The following AGBL1 variants were observed in gnomAD, a reference collection of about 807,000 sequenced individuals.
AGBL1 encodes the protein AGBL carboxypeptidase 1, also known as cytosolic carboxypeptidase 4.
AGBL1 carries 130 observed loss-of-function variants against 118.9 expected under a neutral mutation model. That is an observed-to-expected ratio of 1.09 (90% CI 0.95 to 1.26). The LOEUF is 1.26. AGBL1 is among the 50% of genes most tolerant of loss of function. The probability of loss-of-function intolerance (pLI) is 0.00; values close to 1 mark genes in which losing one functional copy is unlikely to be tolerated. For missense variants in AGBL1, 1,584 were observed against 1,298.1 expected (o/e 1.22, Z -3.38); for synonymous variants, 555 against 478.9 (o/e 1.16, Z -2.08).
chr15:86,858,120 G>T (rs2079508907), intron 22 of AGBL1, among the ~76,000 whole-genome samples: 1 of 152,104 alleles, frequency 6.6e-6, no homozygotes, highest in African/African-American at 2.4e-5. Flanking sequence ...AGGCCATGCT[G>T]GGGATACAAT....
rs546174799 is a variant in AGBL1 at position 86,772,418 on chromosome 15, T to C, written c.3158+97982T>C. Among the ~76,000 whole-genome samples the C allele has an allele frequency of 2.6e-5, 4 of 152,218 alleles. No homozygotes were observed. The East Asian group carries it at 7.7e-4, about 29-fold the overall frequency. On this transcript the variant is annotated intron_variant, in intron 22 of 22. Coordinates refer to ENST00000614907, the MANE Select transcript of AGBL1 (RefSeq NM_001386094.1). ...TCAAGATCATCAGTTTACATTTTAT[T>C]TGTGGTGTCTTTGTCACATTCATAT...
At chr15:86,270,558 C>A (rs1398277787) in intron 14 of AGBL1, among the ~76,000 whole-genome samples, 1 of 152,138 alleles carries the variant, frequency 6.6e-6, no homozygotes, top group Non-Finnish European at 1.5e-5. Flanking sequence ...GTATTTATTT[C>A]AAATGTTTTG....
chr15:86,534,103 A>T (rs2083388237), intron 19 of AGBL1, among the ~76,000 whole-genome samples: 2 of 121,120 alleles, frequency 1.7e-5, no homozygotes, highest in Admixed American at 1.6e-4. Context: ...CCTAAAACTT[A>T]AAGTATAATA....
intron 21 of AGBL1, among the ~76,000 whole-genome samples, chr15:86,587,989 T>C (rs12439737): frequency 0.33 from 50,841 of 152,128 alleles, 9,511 homozygotes; most frequent in Middle Eastern, 0.43. Flanking sequence ...GCTTTGTATA[T>C]GTATGCATGT....
At chr15:86,248,856 G>C (rs548629691) in intron 7 of AGBL1, among the ~76,000 whole-genome samples, 1 of 152,168 alleles carries the variant, frequency 6.6e-6, no homozygotes, top group Non-Finnish European at 1.5e-5. Context: ...AGAGGGAGCA[G>C]GTGTTCTTTT....
intron 21 of AGBL1, among the ~76,000 whole-genome samples, chr15:86,575,746 C>T (rs1049286106): frequency 5.9e-5 from 9 of 151,906 alleles, no homozygotes; most frequent in Non-Finnish European, 1.0e-4. Flanking sequence ...CACACCACCA[C>T]ATCTGGCTTA....
chr15:86,270,364 C>T (rs1297112097), intron 14 of AGBL1, among the ~76,000 whole-genome samples: 1 of 152,174 alleles, frequency 6.6e-6, no homozygotes, highest in East Asian at 1.9e-4. Context: ...TCTCCATCTC[C>T]TAAGTCCCAT....
intron 17 of AGBL1, among the ~76,000 whole-genome samples, chr15:86,324,573 G>C (rs1315453460): frequency 6.6e-6 from 1 of 152,134 alleles, no homozygotes; most frequent in Non-Finnish European, 1.5e-5. Context: ...AGGTACCAGG[G>C]ACTAAAATAT....
intron 22 of AGBL1, among the ~76,000 whole-genome samples, chr15:86,827,937 G>GTTTTTTTTTTTTTTTTTTTT (rs71460225): frequency 1.2e-3 from 9 of 7,792 alleles, no homozygotes; most frequent in Non-Finnish European, 2.0e-3. Flanking sequence ...TTGATGTAGG[G>GTTTTTTTTTTTTTTTTTTTT]CTTTTTTTTT....
At chr15:86,410,134 T>C (rs1187967205) in intron 18 of AGBL1, among the ~76,000 whole-genome samples, 1 of 152,056 alleles carries the variant, frequency 6.6e-6, no homozygotes, top group Non-Finnish European at 1.5e-5. Context: ...CTTCCTAAAA[T>C]ACATGAAAGC....
intron 18 of AGBL1, among the ~76,000 whole-genome samples, chr15:86,468,470 G>A (rs1195972561): frequency 2.0e-5 from 3 of 152,108 alleles, no homozygotes; most frequent in Non-Finnish European, 2.9e-5. Context: ...TTTTGATTCA[G>A]GCTAATTCCA....
chr15:86,486,948 T>C (rs1445571959), intron 18 of AGBL1, among the ~76,000 whole-genome samples: 2 of 152,072 alleles, frequency 1.3e-5, no homozygotes, highest in Non-Finnish European at 2.9e-5. Context: ...GCTTTCCAGC[T>C]TCTCCTCTTT....
intron 1 of AGBL1, among the ~76,000 whole-genome samples, chr15:86,132,607 A>T (rs2076834439): frequency 6.6e-6 from 1 of 152,170 alleles, no homozygotes; most frequent in African/African-American, 2.4e-5. Flanking sequence ...AGAAATAGAG[A>T]TGGAGCCTGC....
At chr15:86,343,828 C>T (rs1019816358) in intron 17 of AGBL1, among the ~76,000 whole-genome samples, 7 of 152,116 alleles carry the variant, frequency 4.6e-5, no homozygotes, top group East Asian at 1.9e-4. Flanking sequence ...TGCCGCTGCT[C>T]GCAGGGCTTT....
At position 86,312,716 on chromosome 15, in the gene AGBL1, T is replaced by G. The variant is rs944141538; in HGVS notation, c.2374+17308T>G. On this transcript the variant is annotated intron_variant, in intron 17 of 22. Coordinates refer to ENST00000614907, the MANE Select transcript of AGBL1 (RefSeq NM_001386094.1). ...CCCAGAATTTTACAGGGCAAGGGCATTCTCAACATGTAGTGATGCACATCC... is the reference window on the plus strand; with the variant it reads ...CCCAGAATTTTACAGGGCAAGGGCAGTCTCAACATGTAGTGATGCACATCC... Among the ~76,000 whole-genome samples the G allele has an allele frequency of 2.6e-5, 4 of 152,130 alleles. No homozygotes were observed. The South Asian group carries it at 8.3e-4, about 32-fold the overall frequency.
chr15:86,298,612 A>G (rs1203113334), intron 17 of AGBL1, among the ~76,000 whole-genome samples: 4 of 152,062 alleles, frequency 2.6e-5, no homozygotes, highest in South Asian at 2.1e-4. Context: ...GCCTCCCTTC[A>G]GGTGAGATTA....
chr15:86,538,599 A>G (rs958934768), intron 19 of AGBL1, among the ~76,000 whole-genome samples: 5 of 152,314 alleles, frequency 3.3e-5, no homozygotes, highest in Admixed American at 2.6e-4. Flanking sequence ...AGTTGGTTTA[A>G]TTGGACACAT....
At chr15:86,516,716 G>T (rs111447639) in intron 18 of AGBL1, among the ~76,000 whole-genome samples, 6 of 150,354 alleles carry the variant, frequency 4.0e-5, no homozygotes, top group Non-Finnish European at 8.8e-5. Flanking sequence ...CAGGAGAATC[G>T]CTTGAACCCA....
intron 18 of AGBL1, among the ~76,000 whole-genome samples, chr15:86,490,466 C>A (rs1276914405): frequency 6.6e-6 from 1 of 152,092 alleles, no homozygotes; most frequent in Non-Finnish European, 1.5e-5. Context: ...GGCAGGAGGT[C>A]ATGAGATATC....
Sources: gnomAD v4.1 joint callset for allele counts (sites outside exome capture counted in the v4.1 genomes callset) on GRCh38, gnomAD v4.1.1 for gene constraint, MANE v1.5 for transcripts, NCBI Gene and HGNC (gene_info 2026-07-23, HGNC 2026-07-21) for gene names.